The following CLTA variants were observed in gnomAD, a reference collection of about 807,000 sequenced individuals.
CLTA encodes the protein clathrin light chain A.
A neutral mutation model predicts 26.9 loss-of-function variants in CLTA; 9 were observed. The ratio of observed to expected loss-of-function variants is 0.33; its 90% CI spans 0.20 to 0.58. The LOEUF is 0.58. CLTA is among the 20% of genes least tolerant of loss of function. The pLI is 0.85. For synonymous variants in CLTA, 120 were observed against 115.5 expected, an observed-to-expected ratio of 1.04 and a Z score of -0.25; for missense variants, 278 against 294.2, an observed-to-expected ratio of 0.94 and a Z score of 0.40.
chr9:36,191,409 C>T (rs961913181), intron 1 of CLTA, 136 bp downstream of exon 1: 4 of 1,070,192 alleles, frequency 3.7e-6, no homozygotes, highest in Non-Finnish European at 5.0e-6. Context: ...GAAACGAGAC[C>T]CTGGCCCGGT....
At chr9:36,203,921 A>C in intron 3 of CLTA, 147 bp from the exon 4 acceptor site, 1 of 1,085,998 alleles carries the variant, frequency 9.2e-7, no homozygotes, top group Non-Finnish European at 1.3e-6. Flanking sequence ...ACAGAAGTTT[A>C]TCTTCCCCTC....
chr9:36,191,202 A>C lies in CLTA; in HGVS notation c.146A>C (p.Asp49Ala). Residue 49 changes from aspartate to alanine, a missense_variant, in exon 1 of 5, where the codon GAC becomes GCC. Transcript: ENST00000345519. Reference sequence around the variant, plus strand: ...AGCGAGATTGCGGGCATCGAGAACGACGAGGCCTTCGCCATCCTGGACGGC... The same window carrying C: ...AGCGAGATTGCGGGCATCGAGAACGCCGAGGCCTTCGCCATCCTGGACGGC... ...QESEIAGIENDEAFAILDGGA... is the reference protein window; with the variant it reads ...QESEIAGIENAEAFAILDGGA... 6.4e-7 allele frequency: 1 copy of C among 1,572,960 alleles called. No individual in the cohort carries two copies. The highest frequency in any genetic ancestry group is 8.6e-7 in the Non-Finnish European group (1 of 1,162,942).
At chr9:36,192,970 A>G (rs2132850301) in intron 1 of CLTA, among the ~76,000 whole-genome samples, 2 of 152,330 alleles carry the variant, frequency 1.3e-5, no homozygotes. Flanking sequence ...TGTGTCTGAC[A>G]TGTAGTAGAT....
rs1178270103 is a variant in CLTA at position 36,212,056 on chromosome 9, T to C, written c.*282T>C. The C allele has an allele frequency of 3.8e-6, 2 of 521,438 alleles. No individual in the cohort carries two copies. The highest frequency in any genetic ancestry group is 3.8e-5 in the African/African-American group (2 of 52,146). 32.3% of individuals were successfully genotyped at this position (521,438 alleles called of 1,614,324 possible). A position where few individuals can be genotyped will look rare whatever the true frequency, so the allele number is the denominator to read the frequency against. On this transcript the variant is annotated 3_prime_UTR_variant, in exon 5 of 5. Coordinates refer to ENST00000345519, the MANE Select transcript of CLTA (RefSeq NM_001833.4). Reference sequence around the variant, plus strand: ...CTGAGAATAAATTTCTGTTTCAAACTGTATTATGTGAAGCTTCTTTATTGA... The same window carrying C: ...CTGAGAATAAATTTCTGTTTCAAACCGTATTATGTGAAGCTTCTTTATTGA...
chr9:36,201,068 T>G, intron 3 of CLTA, among the ~76,000 whole-genome samples: 1 of 152,202 alleles, frequency 6.6e-6, no homozygotes, highest in Non-Finnish European at 1.5e-5. Flanking sequence ...TCTACTTTGG[T>G]GTCTGGAAAG....
At chr9:36,200,597 C>T (rs979717156) in intron 3 of CLTA, among the ~76,000 whole-genome samples, 9 of 152,214 alleles carry the variant, frequency 5.9e-5, no homozygotes, top group African/African-American at 1.9e-4. Flanking sequence ...TCATTTATCT[C>T]TCTAGTCCAA....
intron 3 of CLTA, among the ~76,000 whole-genome samples, chr9:36,202,289 C>A (rs932933228): frequency 2.0e-5 from 3 of 152,170 alleles, no homozygotes; most frequent in Non-Finnish European, 4.4e-5. Context: ...CTTATAGTTA[C>A]ACACAGCCTT....
chr9:36,207,192 A>T (rs550902247), intron 4 of CLTA, among the ~76,000 whole-genome samples: 3 of 152,130 alleles, frequency 2.0e-5, no homozygotes, highest in African/African-American at 7.2e-5. Context: ...CCCAGACTGC[A>T]TCTCCCTTCT....
At chr9:36,198,116 C>T (rs528970887) in intron 2 of CLTA, among the ~76,000 whole-genome samples, 1 of 151,092 alleles carries the variant, frequency 6.6e-6, no homozygotes, top group South Asian at 2.1e-4. Context: ...TCCACTTCAG[C>T]CTCCTGAGTA....
intron 4 of CLTA, among the ~76,000 whole-genome samples, chr9:36,206,301 A>G (rs1048639645): frequency 6.6e-6 from 1 of 152,088 alleles, no homozygotes; most frequent in Non-Finnish European, 1.5e-5. Flanking sequence ...TCTTGAGAGC[A>G]TAACGCTAGT....
At chr9:36,202,611 A>C (rs1002010723) in intron 3 of CLTA, among the ~76,000 whole-genome samples, 2 of 152,220 alleles carry the variant, frequency 1.3e-5, no homozygotes, top group Admixed American at 6.5e-5. Context: ...TCTGTCACTT[A>C]CTATAACCTT....
intron 4 of CLTA, chr9:36,209,181 A>G (rs1005043464): frequency 4.1e-5 from 63 of 1,540,896 alleles, no homozygotes; most frequent in Middle Eastern, 1.7e-4. Context: ...TTGTACCTCA[A>G]TTGTGGATTT....
At chr9:36,192,141 G>A (rs1208041577) in intron 1 of CLTA, among the ~76,000 whole-genome samples, 2 of 152,184 alleles carry the variant, frequency 1.3e-5, no homozygotes, top group Non-Finnish European at 2.9e-5. Context: ...TTAGCTAGAA[G>A]AAATGAAATA....
intron 1 of CLTA, among the ~76,000 whole-genome samples, chr9:36,191,991 T>C (rs1224204293): frequency 2.0e-5 from 3 of 152,116 alleles, no homozygotes; most frequent in South Asian, 2.1e-4. Flanking sequence ...AAGAGGTGAA[T>C]AGAGAATGTT....
At chr9:36,194,341 G>A (rs980955951) in intron 1 of CLTA, among the ~76,000 whole-genome samples, 1 of 152,210 alleles carries the variant, frequency 6.6e-6, no homozygotes, top group Non-Finnish European at 1.5e-5. Context: ...GTTATTTCTT[G>A]TAGGAGAAGA....
At chr9:36,200,999 C>T (rs1827370045) in intron 3 of CLTA, among the ~76,000 whole-genome samples, 1 of 152,088 alleles carries the variant, frequency 6.6e-6, no homozygotes, top group South Asian at 2.1e-4. Flanking sequence ...GTTACAGAAC[C>T]CAAATTTATC....
intron 1 of CLTA, among the ~76,000 whole-genome samples, chr9:36,195,698 G>A (rs1826981271): frequency 6.6e-6 from 1 of 152,204 alleles, no homozygotes; most frequent in African/African-American, 2.4e-5. Context: ...CAGGTGCGGT[G>A]GCTCACGCCT....
intron 1 of CLTA, among the ~76,000 whole-genome samples, chr9:36,192,639 G>T (rs1264458769): frequency 6.7e-6 from 1 of 150,248 alleles, no homozygotes; most frequent in East Asian, 2.0e-4. Flanking sequence ...ATTTGTCTGA[G>T]AATTTTAAAA....
chr9:36,197,724 C>A (rs1827136937), intron 2 of CLTA, 136 bp downstream of exon 2: 2 of 652,044 alleles, frequency 3.1e-6, no homozygotes, highest in East Asian at 2.7e-5. Flanking sequence ...TGTTATCTAC[C>A]AAAGTGGAAA....
Sources: gnomAD v4.1 joint callset for allele counts (sites outside exome capture counted in the v4.1 genomes callset) on GRCh38, gnomAD v4.1.1 for gene constraint, MANE v1.5 for transcripts, NCBI Gene and HGNC (gene_info 2026-07-23, HGNC 2026-07-21) for gene names.